C6orf89: variants seen among roughly 807,000 people sequenced by gnomAD.
C6orf89 encodes the protein chromosome 6 open reading frame 89, also known as bombesin receptor-activated protein C6orf89.
A neutral mutation model predicts 40.7 loss-of-function variants in C6orf89; 29 were observed. The ratio of observed to expected loss-of-function variants is 0.71; its 90% CI spans 0.53 to 0.97. The LOEUF (loss-of-function observed/expected upper bound fraction) is 0.97. Ranked by LOEUF, C6orf89 falls within the 50% of genes least tolerant of loss-of-function variation. C6orf89 has a pLI of 0.00. For missense variants in C6orf89, 392 were observed against 429.1 expected, an observed-to-expected ratio of 0.91 and a Z score of 0.76; for synonymous variants, 165 against 152.2, an observed-to-expected ratio of 1.08 and a Z score of -0.62.
At chr6:36,904,690 A>C (rs1270674254) in intron 4 of C6orf89, among the ~76,000 whole-genome samples, 1 of 152,116 alleles carries the variant, frequency 6.6e-6, no homozygotes, top group South Asian at 2.1e-4. Flanking sequence ...AAAAACAACT[A>C]CCTTCAGGTT....
chr6:36,899,740 C>A, intron 3 of C6orf89, 107 bp downstream of exon 3: 1 of 1,134,342 alleles, frequency 8.8e-7, no homozygotes, highest in Non-Finnish European at 1.3e-6. Flanking sequence ...TTGGTTTTTC[C>A]GTGAATAAAT....
At chr6:36,902,641 C>T (rs777225206) in intron 4 of C6orf89, among the ~76,000 whole-genome samples, 2 of 152,154 alleles carry the variant, frequency 1.3e-5, no homozygotes, top group African/African-American at 2.4e-5. Context: ...TTAAGAAACT[C>T]GCTAGAGGAA....
chr6:36,883,649 T>C (rs9462237), upstream of C6orf89, among the ~76,000 whole-genome samples: 1,347 of 152,324 alleles, frequency 8.8e-3, 19 homozygotes, highest in African/African-American at 0.03. Flanking sequence ...GGTACATACA[T>C]TGCCTCATAA....
chr6:36,879,680 C>T (rs750705096), intron 2 of C6orf89, among the ~76,000 whole-genome samples: 2 of 151,986 alleles, frequency 1.3e-5, no homozygotes, highest in Non-Finnish European at 2.9e-5. Context: ...GGATAAAACA[C>T]GGGCTTAGGA....
rs940470754 is a variant in C6orf89 at position 36,910,780 on chromosome 6, C to T, written c.404-3504C>T. Among the ~76,000 whole-genome samples, 6 of 151,694 alleles carry T rather than the reference C, an allele frequency of 4.0e-5. No homozygotes were observed. In the East Asian group the frequency reaches 7.7e-4, roughly 20 times the overall value. ...CTCCTGGGCTCAAGCGATCCCACCT[C>T]AGCCTCCCAAAGTGTTGGGATTACA... On this transcript the variant is annotated intron_variant, in intron 4 of 8. Coordinates refer to ENST00000480824, the MANE Select transcript of C6orf89 (RefSeq NM_001286635.2).
chr6:36,896,142 C>T (rs574413647), intron 2 of C6orf89, among the ~76,000 whole-genome samples: 1 of 152,310 alleles, frequency 6.6e-6, no homozygotes, highest in Non-Finnish European at 1.5e-5. Flanking sequence ...GAGTCTCACT[C>T]TGTCACCCAG....
intron 2 of C6orf89, among the ~76,000 whole-genome samples, chr6:36,895,927 G>A (rs1761410419): frequency 6.6e-6 from 1 of 152,176 alleles, no homozygotes; most frequent in South Asian, 2.1e-4. Flanking sequence ...CTGCCAGGCT[G>A]TTTTCCATAG....
chr6:36,878,937 G>A (rs555073657), intron 1 of C6orf89: 4 of 152,278 alleles, frequency 2.6e-5, no homozygotes, highest in South Asian at 2.1e-4. Flanking sequence ...GGAGTTGCCC[G>A]ATTTGCGAAT....
chr6:36,919,701 G>T lies in C6orf89; in HGVS notation c.949G>T (p.Gly317Cys). 6.2e-7 allele frequency: 1 copy of T among 1,608,556 alleles called. No individual in the cohort carries two copies. The highest frequency in any genetic ancestry group is 1.3e-5 in the African/African-American group (1 of 74,860). Residue 317 changes from glycine (G) to cysteine (C), a missense_variant and splice_region_variant, in exon 8 of 9, where the codon GGC becomes TGC. Transcript: ENST00000480824. ...CATGCCAATAGAGCCAGGGGATATCGGTATGTAGGGCCCCAGGAGGGCAGG... is the reference window on the plus strand; with the variant it reads ...CATGCCAATAGAGCCAGGGGATATCTGTATGTAGGGCCCCAGGAGGGCAGG... Reference protein sequence around the residue: ...VAMPIEPGDIGYVDTTHWKVY... With the variant: ...VAMPIEPGDICYVDTTHWKVY...
chr6:36,897,141 A>G (rs1173855026), intron 2 of C6orf89, among the ~76,000 whole-genome samples: 2 of 151,684 alleles, frequency 1.3e-5, no homozygotes, highest in Non-Finnish European at 2.9e-5. Flanking sequence ...AAAAAAAAAA[A>G]AAAAAAAAAA....
intron 7 of C6orf89, among the ~76,000 whole-genome samples, chr6:36,919,271 A>T (rs1457967494): frequency 6.6e-6 from 1 of 152,228 alleles, no homozygotes. Flanking sequence ...TACAAAGCTC[A>T]TGCAGGATCT....
chr6:36,910,837 T>G (rs1368969533), intron 4 of C6orf89, among the ~76,000 whole-genome samples: 3 of 152,204 alleles, frequency 2.0e-5, no homozygotes, highest in Admixed American at 1.3e-4. Flanking sequence ...ATGTTTTATC[T>G]TGTTAAATTT....
chr6:36,891,239 C>T lies in C6orf89; in HGVS notation c.-119-3265C>T, dbSNP rs563626916. On this transcript the variant is annotated intron_variant, in intron 1 of 8. Coordinates refer to ENST00000480824, the MANE Select transcript of C6orf89 (RefSeq NM_001286635.2). ...ATTCCCACCTATGAGTGAGAACATACGGTGTTTGGTTTTCTGTCCTTGCGA... is the reference window on the plus strand; with the variant it reads ...ATTCCCACCTATGAGTGAGAACATATGGTGTTTGGTTTTCTGTCCTTGCGA... 5.3e-4 allele frequency among the ~76,000 whole-genome samples: 80 copies of T among 152,182 alleles called. 1 individual carries two copies. The highest frequency in any genetic ancestry group is 7.4e-4 in the Non-Finnish European group (50 of 68,026).
chr6:36,882,706 T>C (rs889910703), upstream of C6orf89, among the ~76,000 whole-genome samples: 1 of 149,364 alleles, frequency 6.7e-6, no homozygotes, highest in East Asian at 2.0e-4. Context: ...CATTCAATTG[T>C]CATTTTCTTT....
chr6:36,912,527 GC>G (rs1486473290), intron 4 of C6orf89, among the ~76,000 whole-genome samples: 1 of 152,148 alleles, frequency 6.6e-6, no homozygotes, highest in Non-Finnish European at 1.5e-5. Context: ...TGAATAAGAA[GC>G]ATTTGAAAAT....
At chr6:36,899,771 A>G (rs370096610) in intron 3 of C6orf89, 138 bp downstream of exon 3, 15 of 746,008 alleles carry the variant, frequency 2.0e-5, no homozygotes, top group East Asian at 1.1e-4. Flanking sequence ...TCTTGTTACC[A>G]TGTGTTACTA....
At chr6:36,897,149 AAAG>A (rs1260180632) in intron 2 of C6orf89, among the ~76,000 whole-genome samples, 1 of 151,178 alleles carries the variant, frequency 6.6e-6, no homozygotes, top group Non-Finnish European at 1.5e-5. Flanking sequence ...AAAAAAAAAA[AAAG>A]AAAAGAAAGA....
chr6:36,900,557 T>C (rs944775576), intron 3 of C6orf89, among the ~76,000 whole-genome samples: 2 of 151,864 alleles, frequency 1.3e-5, no homozygotes, highest in Admixed American at 1.3e-4. Context: ...TGGAGTGCAG[T>C]GGTGCCATCA....
At chr6:36,899,000 C>T (rs1761557571) in intron 2 of C6orf89, among the ~76,000 whole-genome samples, 1 of 152,076 alleles carries the variant, frequency 6.6e-6, no homozygotes, top group Non-Finnish European at 1.5e-5. Context: ...GTGTTGAACA[C>T]AAATGTTCAA....
Sources: allele counts gnomAD v4.1 joint callset (sites outside exome capture counted in the v4.1 genomes callset), GRCh38; gene constraint gnomAD v4.1.1; transcripts MANE v1.5; gene names NCBI Gene and HGNC (gene_info 2026-07-23, HGNC 2026-07-21).